PAK5: variants seen among roughly 807,000 people sequenced by gnomAD.
The protein encoded by PAK5 is serine/threonine-protein kinase PAK 5.
PAK5 carries 16 observed loss-of-function variants against 65.9 expected under a neutral mutation model. The ratio of observed to expected loss-of-function variants is 0.24; its 90% CI spans 0.16 to 0.37. The LOEUF is 0.37. Among genes scored for constraint, PAK5 ranks in the 10% least tolerant of loss-of-function variants. The pLI is 1.00. For synonymous variants in PAK5, 371 were observed against 354.9 expected (o/e 1.05, Z -0.51); for missense variants, 785 against 903.9 (o/e 0.87, Z 1.69).
chr20:9,709,750 TCTTAAAA>T lies in PAK5; in HGVS notation c.-12+1529_-12+1535del, dbSNP rs1231748867. Among the ~76,000 whole-genome samples the T allele has an allele frequency of 5.3e-5, 8 of 152,160 alleles. No individual in the cohort carries two copies. The South Asian group carries it at 6.2e-4, about 12-fold the overall frequency. On this transcript the variant is annotated intron_variant, in intron 2 of 9. Transcript: ENST00000353224. ...GAAAGCAAGCTGCACTTTGCTGAGA[TCTTAAAA>T]TATCGTTCAGTTGAGCTATCATGAA... is the stretch of plus-strand genomic sequence containing the variant.
At chr20:9,757,071 C>T (rs941190449) in intron 1 of PAK5, among the ~76,000 whole-genome samples, 1 of 152,088 alleles carries the variant, frequency 6.6e-6, no homozygotes, top group Non-Finnish European at 1.5e-5. Context: ...ATAATGGCAA[C>T]TCATTTGAAA....
chr20:9,661,877 C>T (rs1162090096), intron 2 of PAK5, among the ~76,000 whole-genome samples: 2 of 152,144 alleles, frequency 1.3e-5, no homozygotes, highest in Non-Finnish European at 2.9e-5. Flanking sequence ...GCTCCTACAA[C>T]CACAAAAGGT....
At chr20:9,665,085 GTTTT>G (rs754435525) in intron 2 of PAK5, among the ~76,000 whole-genome samples, 1 of 98,892 alleles carries the variant, frequency 1.0e-5, no homozygotes, top group Non-Finnish European at 1.9e-5. Flanking sequence ...AAATTTTTCT[GTTTT>G]TTTTTTTTTT....
rs1307946196 is a variant in PAK5 at position 9,728,933 on chromosome 20, G to A, written c.-161-17498C>T. On this transcript the variant is annotated intron_variant, in intron 1 of 9. Coordinates refer to ENST00000353224, the MANE Select transcript of PAK5 (RefSeq NM_177990.4). ...AAATAATGCCAATTCTTCATTTATA[G>A]TATTGTGCCAATTTAAAATTCCAAT... Among the ~76,000 whole-genome samples, 8 of 152,096 alleles carry A rather than the reference G, an allele frequency of 5.3e-5. No individual in the cohort carries two copies. The South Asian group carries it at 1.7e-3, about 32-fold the overall frequency.
At chr20:9,572,947 T>G (rs2045817004) in intron 4 of PAK5, among the ~76,000 whole-genome samples, 1 of 152,156 alleles carries the variant, frequency 6.6e-6, no homozygotes, top group South Asian at 2.1e-4. Context: ...GTCTTGCAAA[T>G]TATCACCCAG....
chr20:9,676,836 T>C (rs1245803963), intron 2 of PAK5, among the ~76,000 whole-genome samples: 1 of 152,206 alleles, frequency 6.6e-6, no homozygotes. Context: ...CACAGTTTTG[T>C]ATATTTGCTG....
intron 1 of PAK5, among the ~76,000 whole-genome samples, chr20:9,724,702 AGTTCATCTTCGCTAGTCATTCCACTGTAG>A (rs1284705144): frequency 1.3e-5 from 2 of 152,234 alleles, no homozygotes. Flanking sequence ...TTTCCATTAT[AGTTCATCTTCGCTAGTCATTCCACTGTAG>A]GAATGGCTTC....
intron 1 of PAK5, among the ~76,000 whole-genome samples, chr20:9,743,522 C>T (rs1415982721): frequency 6.6e-6 from 1 of 152,138 alleles, no homozygotes; most frequent in East Asian, 1.9e-4. Context: ...CTGTCAGTGA[C>T]TCCTAAACCA....
intron 1 of PAK5, among the ~76,000 whole-genome samples, chr20:9,792,102 T>TC (rs2049056197): frequency 6.6e-6 from 1 of 152,058 alleles, no homozygotes; most frequent in South Asian, 2.1e-4. Flanking sequence ...ACTATTTTGA[T>TC]CCCCCCTGCA....
chr20:9,692,246 T>G (rs2047807891), intron 2 of PAK5, among the ~76,000 whole-genome samples: 1 of 152,232 alleles, frequency 6.6e-6, no homozygotes, highest in African/African-American at 2.4e-5. Context: ...CCAAGAAATA[T>G]TAAAGCCACA....
At chr20:9,748,468 T>C (rs918799423) in intron 1 of PAK5, among the ~76,000 whole-genome samples, 9 of 152,170 alleles carry the variant, frequency 5.9e-5, no homozygotes, top group African/African-American at 1.9e-4. Flanking sequence ...CAAAACAGCA[T>C]GGTACTAGTA....
At chr20:9,809,218 T>G (rs1569096990) in intron 1 of PAK5, among the ~76,000 whole-genome samples, 1 of 152,044 alleles carries the variant, frequency 6.6e-6, no homozygotes. Flanking sequence ...AATATAGATC[T>G]CAGGGCCTCA....
intron 3 of PAK5, among the ~76,000 whole-genome samples, chr20:9,625,376 T>C (rs1050490900): frequency 1.3e-5 from 2 of 152,332 alleles, no homozygotes; most frequent in South Asian, 2.1e-4. Context: ...TAACTTCAAA[T>C]ATGAGCCACT....
At chr20:9,800,797 A>T (rs998569516) in intron 1 of PAK5, among the ~76,000 whole-genome samples, 4 of 151,988 alleles carry the variant, frequency 2.6e-5, no homozygotes, top group Admixed American at 2.6e-4. Context: ...CACAAACATG[A>T]CTAACTGGCC....
intron 1 of PAK5, among the ~76,000 whole-genome samples, chr20:9,781,105 T>C (rs1334892708): frequency 1.3e-5 from 2 of 152,166 alleles, no homozygotes; most frequent in East Asian, 1.9e-4. Flanking sequence ...TACAACTGTA[T>C]AGCATTTGAC....
intron 1 of PAK5, among the ~76,000 whole-genome samples, chr20:9,796,076 T>C (rs1398392961): frequency 1.3e-5 from 2 of 151,894 alleles, no homozygotes; most frequent in East Asian, 3.9e-4. Flanking sequence ...TATTATTCAG[T>C]CCCCCAACAA....
At chr20:9,821,159 T>C (rs1600410228) in intron 1 of PAK5, among the ~76,000 whole-genome samples, 1 of 152,190 alleles carries the variant, frequency 6.6e-6, no homozygotes, top group African/African-American at 2.4e-5. Flanking sequence ...GGCAGGCGGA[T>C]CATCTGAGGT....
intron 1 of PAK5, among the ~76,000 whole-genome samples, chr20:9,737,895 C>A (rs959693837): frequency 1.2e-4 from 18 of 152,042 alleles, no homozygotes; most frequent in Non-Finnish European, 2.5e-4. Flanking sequence ...ATAATCCCAG[C>A]ACTTTGGGAG....
chr20:9,624,666 C>T (rs1404020631), intron 3 of PAK5, among the ~76,000 whole-genome samples: 3 of 151,926 alleles, frequency 2.0e-5, no homozygotes, highest in Non-Finnish European at 4.4e-5. Flanking sequence ...TGTGGAAAGG[C>T]CCTGGCTCTG....
Sources: gnomAD v4.1 joint callset for allele counts (sites outside exome capture counted in the v4.1 genomes callset) on GRCh38, gnomAD v4.1.1 for gene constraint, MANE v1.5 for transcripts, NCBI Gene and HGNC (gene_info 2026-07-23, HGNC 2026-07-21) for gene names.